HACD4: variants seen among roughly 807,000 people sequenced by gnomAD.
The protein encoded by HACD4 is very-long-chain (3R)-3-hydroxyacyl-CoA dehydratase 4.
HACD4 carries 35 observed loss-of-function variants against 33.3 expected under a neutral mutation model. The observed-to-expected ratio is 1.05, with a 90% CI of 0.80 to 1.39. The LOEUF (loss-of-function observed/expected upper bound fraction) is 1.39, where lower values mean the gene tolerates loss of function less well. HACD4 is among the 40% of genes most tolerant of loss of function. The pLI, the probability that HACD4 is intolerant of heterozygous loss-of-function variation, is 0.00. For synonymous variants in HACD4, 118 were observed against 98.0 expected (o/e 1.20, Z -1.21); for missense variants, 323 against 276.5 (o/e 1.17, Z -1.19).
chr9:21,007,179 A>G, intron 6 of HACD4, 60 bp from the exon 7 acceptor site: 1 of 899,524 alleles, frequency 1.1e-6, no homozygotes, highest in Non-Finnish European at 1.9e-6. Flanking sequence ...TGGAAGAAAC[A>G]ATGCTTTTAA....
chr9:21,017,376 TGGAAGC>T (rs1842581571), intron 3 of HACD4, among the ~76,000 whole-genome samples: 1 of 152,202 alleles, frequency 6.6e-6, no homozygotes, highest in Non-Finnish European at 1.5e-5. Context: ...AGTCAAACCA[TGGAAGC>T]TATCTACATA....
rs982473150 is a variant in HACD4 at position 21,003,016 on chromosome 9, C to T, written c.*4021G>A. The T allele has an allele frequency of 2.0e-5, 3 of 152,102 alleles. No individual in the cohort carries two copies. Among genetic ancestry groups the T allele is most frequent in the African/African-American group, 7.2e-5 (3 of 41,424 alleles). The allele number at this position is 152,102 out of a possible 1,614,324, so 9.4% of individuals were successfully genotyped here. The stretch of plus-strand genomic sequence containing the variant: ...GAAAAAGAAATTACACCTTTATTTT[C>T]ACTAATTGATAATGAAATTTAGTAT... On this transcript the variant is annotated 3_prime_UTR_variant, in exon 7 of 7. Coordinates refer to ENST00000495827, the MANE Select transcript of HACD4 (RefSeq NM_001010915.5).
rs143425735 is a variant in HACD4, at chr9:21,027,434, G to A, written c.143-711C>T. The stretch of plus-strand genomic sequence containing the variant: ...GAAATCCTGCCATGTTTAGAAACTC[G>A]TAGGGAAGATTTTGCTCTCTTTACT... On this transcript the variant is annotated intron_variant, in intron 2 of 6. Transcript: ENST00000495827. Among the ~76,000 whole-genome samples, 722 of 152,302 alleles carry A rather than the reference G, an allele frequency of 4.7e-3. 8 individuals are homozygous for A. The highest frequency in any genetic ancestry group is 6.5e-3 in the Non-Finnish European group (440 of 68,012).
intron 3 of HACD4, among the ~76,000 whole-genome samples, chr9:21,026,152 C>A (rs987406058): frequency 6.6e-6 from 1 of 152,184 alleles, no homozygotes; most frequent in Admixed American, 6.5e-5. Flanking sequence ...TTTTAATCAT[C>A]TACTCTTTGC....
rs1394798588 is a variant in HACD4, at chr9:20,999,766, T to A, written c.*7271A>T. 6.6e-6 allele frequency: 1 copy of A among 152,206 alleles called. No homozygotes were observed. Among genetic ancestry groups the A allele is most frequent in the Non-Finnish European group, 1.5e-5 (1 of 68,034 alleles). The allele number at this position is 152,206 out of a possible 1,614,324, so 9.4% of individuals were successfully genotyped here. ...AGTTGCACACACAATTATGGGTGTC[T>A]ATTATGTGCCACTATACAAGTTTCT... On this transcript the variant is annotated 3_prime_UTR_variant, in exon 7 of 7. Coordinates refer to ENST00000495827, the MANE Select transcript of HACD4 (RefSeq NM_001010915.5).
chr9:21,021,848 A>G (rs1564277797), intron 3 of HACD4, among the ~76,000 whole-genome samples: 1 of 152,192 alleles, frequency 6.6e-6, no homozygotes, highest in Admixed American at 6.5e-5. Context: ...CAAGCTACCA[A>G]TGACTTTCTT....
intron 3 of HACD4, among the ~76,000 whole-genome samples, chr9:21,021,819 G>T (rs1036111640): frequency 2.6e-5 from 4 of 152,148 alleles, no homozygotes; most frequent in African/African-American, 7.2e-5. Flanking sequence ...GTAATTTATA[G>T]ATTCAATGCC....
Position 21,002,931 on chromosome 9 carries a change from G to A in HACD4, c.*4106C>T, listed in dbSNP as rs983802695. 5 of 152,138 alleles carry A rather than the reference G, an allele frequency of 3.3e-5. No homozygotes were observed. The highest frequency in any genetic ancestry group is 6.5e-5 in the Admixed American group (1 of 15,278). 9.4% of individuals were successfully genotyped at this position (152,138 alleles called of 1,614,324 possible). A position where few individuals can be genotyped will look rare whatever the true frequency, so the allele number is the denominator to read the frequency against. ...TTGGTAACATCCGATTAACCAGATAGTTACTGTCTTGACTTCACTATGTCT... is the reference window on the plus strand; with the variant it reads ...TTGGTAACATCCGATTAACCAGATAATTACTGTCTTGACTTCACTATGTCT... On this transcript the variant is annotated 3_prime_UTR_variant, in exon 7 of 7. Transcript: ENST00000495827.
chr9:21,002,037 C>G lies in HACD4; in HGVS notation c.*5000G>C, dbSNP rs1312436748. On this transcript the variant is annotated 3_prime_UTR_variant, in exon 7 of 7. Transcript: ENST00000495827. Reference sequence around the variant, plus strand: ...TTTGTTTTCTACATAGAGACTACTGCATTTTTAAAAATTGATTTTGGACAC... The same window carrying G: ...TTTGTTTTCTACATAGAGACTACTGGATTTTTAAAAATTGATTTTGGACAC... 1 of 152,100 alleles carries G rather than the reference C, an allele frequency of 6.6e-6. No homozygotes were observed. The highest frequency in any genetic ancestry group is 6.6e-5 in the Admixed American group (1 of 15,262). 9.4% of individuals were successfully genotyped at this position (152,100 alleles called of 1,614,324 possible). A position where few individuals can be genotyped will look rare whatever the true frequency, so the allele number is the denominator to read the frequency against.
chr9:21,015,639 C>A (rs1842538060), intron 4 of HACD4: 2 of 308,696 alleles, frequency 6.5e-6, no homozygotes, highest in African/African-American at 2.2e-5. Context: ...AGGGTTATTC[C>A]AAGTTGGTTT....
intron 2 of HACD4, among the ~76,000 whole-genome samples, chr9:21,027,731 A>G (rs1191127413): frequency 6.6e-6 from 1 of 152,240 alleles, no homozygotes; most frequent in Admixed American, 6.5e-5. Flanking sequence ...TGATTCAAAA[A>G]TTGTACTGAA....
chr9:21,003,904 T>C lies in HACD4; in HGVS notation c.*3133A>G, dbSNP rs1015629714. 2.0e-5 allele frequency: 3 copies of C among 152,250 alleles called. No individual in the cohort carries two copies. The highest frequency in any genetic ancestry group is 6.5e-5 in the Admixed American group (1 of 15,284). 9.4% of individuals were successfully genotyped at this position (152,250 alleles called of 1,614,324 possible). On this transcript the variant is annotated 3_prime_UTR_variant, in exon 7 of 7. Coordinates refer to ENST00000495827, the MANE Select transcript of HACD4 (RefSeq NM_001010915.5). ...TTTTAAAAAGTACTTAGTATATTTT[T>C]ATACCTTTTATCTTCCTGTATGTGT...
chr9:21,011,579 C>T lies in HACD4; in HGVS notation c.490+10G>A, dbSNP rs1253194705. 1 of 1,540,222 alleles carries T rather than the reference C, an allele frequency of 6.5e-7. No homozygotes were observed. Among genetic ancestry groups the T allele is most frequent in the Admixed American group, 1.7e-5 (1 of 59,382 alleles). ...TCAGTAAGCAATACAGCAAGTCACT[C>T]TTTTCTTACCTTCAGCAAGAACACA... On this transcript the variant is annotated intron_variant, in intron 5 of 6. Transcript: ENST00000495827.
chr9:21,025,421 CT>C lies in HACD4; in HGVS notation c.270+1174del, dbSNP rs1452620003. On this transcript the variant is annotated intron_variant, in intron 3 of 6. Transcript: ENST00000495827. ...AAAGTGTACATTTACATTCTAAGCA[CT>C]TTGCTAGGTGCTGGCAACACCATAA... Among the ~76,000 whole-genome samples the C allele has an allele frequency of 2.0e-5, 3 of 147,674 alleles. No individual in the cohort carries two copies. In the East Asian group the frequency reaches 5.9e-4, roughly 29 times the overall value.
intron 3 of HACD4, among the ~76,000 whole-genome samples, chr9:21,021,237 T>C (rs976152995): frequency 1.2e-4 from 19 of 152,132 alleles, no homozygotes; most frequent in African/African-American, 4.3e-4. Flanking sequence ...CTCAAAATAA[T>C]AAGAGCTATT....
intron 4 of HACD4, among the ~76,000 whole-genome samples, chr9:21,012,854 G>T (rs989582910): frequency 2.6e-5 from 4 of 152,068 alleles, no homozygotes; most frequent in African/African-American, 4.8e-5. Flanking sequence ...ATGACCTGAG[G>T]TCAGGGGTTC....
chr9:21,009,222 T>A (rs1435519933), intron 5 of HACD4, among the ~76,000 whole-genome samples: 1 of 152,152 alleles, frequency 6.6e-6, no homozygotes, highest in Non-Finnish European at 1.5e-5. Flanking sequence ...ATCTAACATA[T>A]ACAGAAACAC....
intron 1 of HACD4, among the ~76,000 whole-genome samples, chr9:21,030,622 C>T (rs1818187166): frequency 6.6e-6 from 1 of 152,056 alleles, no homozygotes; most frequent in African/African-American, 2.4e-5. Context: ...TTGGGTAATT[C>T]AGTAATTGGA....
intron 3 of HACD4, among the ~76,000 whole-genome samples, chr9:21,020,929 A>G (rs1421687956): frequency 6.6e-6 from 1 of 152,160 alleles, no homozygotes; most frequent in Non-Finnish European, 1.5e-5. Flanking sequence ...GAAATTCATA[A>G]TGGTTTCTCC....
Sources: gnomAD v4.1 joint callset for allele counts (sites outside exome capture counted in the v4.1 genomes callset) on GRCh38, gnomAD v4.1.1 for gene constraint, MANE v1.5 for transcripts, NCBI Gene and HGNC (gene_info 2026-07-23, HGNC 2026-07-21) for gene names.